PCBP3: variants seen among roughly 807,000 people sequenced by gnomAD.
The protein encoded by PCBP3 is poly(rC) binding protein 3.
Under a neutral mutation model 52.7 loss-of-function variants are expected in PCBP3, and 25 were observed. That is an observed-to-expected ratio of 0.47 (90% CI 0.35 to 0.66). The LOEUF (loss-of-function observed/expected upper bound fraction) is 0.66. Among genes scored for constraint, PCBP3 ranks in the 30% least tolerant of loss-of-function variants. The pLI is 0.01. For synonymous variants in PCBP3, 162 were observed against 183.0 expected (o/e 0.89, Z 0.93); for missense variants, 391 against 490.3 (o/e 0.80, Z 1.91).
chr21:45,809,665 C>T (rs962677877), intron 4 of PCBP3, among the ~76,000 whole-genome samples: 1 of 152,244 alleles, frequency 6.6e-6, no homozygotes, highest in African/African-American at 2.4e-5. Flanking sequence ...CTGCTAAGTG[C>T]GGCAGATGCC....
intron 2 of PCBP3, among the ~76,000 whole-genome samples, chr21:45,715,760 G>T (rs1018416441): frequency 6.6e-6 from 1 of 152,136 alleles, no homozygotes; most frequent in Admixed American, 6.5e-5. Context: ...AGCTTTTCAT[G>T]TGCTTACTGG....
intron 4 of PCBP3, among the ~76,000 whole-genome samples, chr21:45,785,608 C>T (rs1225189872): frequency 1.3e-3 from 201 of 151,780 alleles, no homozygotes; most frequent in African/African-American, 4.6e-3. Context: ...CCCCTCTGCC[C>T]GGCCACCACC....
chr21:45,768,773 C>T (rs1056279798), intron 4 of PCBP3, among the ~76,000 whole-genome samples: 3 of 152,196 alleles, frequency 2.0e-5, no homozygotes, highest in African/African-American at 4.8e-5. Context: ...TTTCCCAGGG[C>T]GCCATCTGCA....
chr21:45,916,537 G>A (rs1274611222), intron 12 of PCBP3: 1 of 152,238 alleles, frequency 6.6e-6, no homozygotes, highest in Non-Finnish European at 1.5e-5. Context: ...ACTCTTGGCA[G>A]ATTCAAAACC....
At chr21:45,692,845 A>G (rs1203371506) in intron 2 of PCBP3, among the ~76,000 whole-genome samples, 2 of 152,182 alleles carry the variant, frequency 1.3e-5, no homozygotes, top group East Asian at 3.8e-4. Context: ...CTACTGACTA[A>G]TATTCCTCAT....
intron 6 of PCBP3, among the ~76,000 whole-genome samples, chr21:45,897,974 G>A (rs191274950): frequency 2.6e-5 from 4 of 152,236 alleles, no homozygotes; most frequent in East Asian, 3.9e-4. Flanking sequence ...GGAGGCTGCC[G>A]GAGGCTCTGA....
intron 4 of PCBP3, among the ~76,000 whole-genome samples, chr21:45,777,272 C>G (rs1203618191): frequency 6.6e-6 from 1 of 151,924 alleles, no homozygotes; most frequent in Non-Finnish European, 1.5e-5. Context: ...AGGTTTCTGC[C>G]CAGAAATTTG....
intron 4 of PCBP3, among the ~76,000 whole-genome samples, chr21:45,826,885 A>C (rs1010274916): frequency 3.9e-5 from 6 of 152,128 alleles, no homozygotes; most frequent in African/African-American, 1.4e-4. Flanking sequence ...ACCTCCCCAA[A>C]ACTGTGGCCA....
rs1039121016 is a variant in PCBP3, at chr21:45,821,088, C to G, written c.-125-28873C>G. On this transcript the variant is annotated intron_variant, in intron 4 of 17. Coordinates refer to ENST00000681687, the MANE Select transcript of PCBP3 (RefSeq NM_001384156.1). This position sits in a 1 kb window ranked among gnomAD's most constrained non-coding sequence, Gnocchi z 4.4. Reference sequence around the variant, plus strand: ...AGCGAGCCTGGCGTTGTGACCTGGGCTAACTTGGTACCTTTTCTCTTTTTA... The same window carrying G: ...AGCGAGCCTGGCGTTGTGACCTGGGGTAACTTGGTACCTTTTCTCTTTTTA... Among the ~76,000 whole-genome samples, 1 of 152,208 alleles carries G rather than the reference C, an allele frequency of 6.6e-6. No individual in the cohort carries two copies. The highest frequency in any genetic ancestry group is 2.4e-5 in the African/African-American group (1 of 41,462).
chr21:45,735,288 T>C lies in PCBP3; in HGVS notation c.-199-104T>C, dbSNP rs2085780274. On this transcript the variant is annotated intron_variant, in intron 2 of 17. Transcript: ENST00000681687. This position sits in a 1 kb window ranked among gnomAD's most constrained non-coding sequence, Gnocchi z 4.0. ...ATGTCTTTTTAATAGATGACTTTGG[T>C]TTGATAAAATTTGGTATCTAAGGTG... 2 of 152,216 alleles carry C rather than the reference T, an allele frequency of 1.3e-5. No individual in the cohort carries two copies. Among genetic ancestry groups the C allele is most frequent in the Admixed American group, 6.5e-5 (1 of 15,280 alleles). 9.4% of individuals were successfully genotyped at this position (152,216 alleles called of 1,614,324 possible).
rs1491201239 is a variant in PCBP3 at position 45,827,382 on chromosome 21, C to CA, written c.-125-22578dup. Among the ~76,000 whole-genome samples the CA allele has an allele frequency of 6.6e-6, 1 of 152,170 alleles. No homozygotes were observed. Among genetic ancestry groups the CA allele is most frequent in the Non-Finnish European group, 1.5e-5 (1 of 68,032 alleles). ...TGGCCAGGTTTCAACTGCAGGTCCTCACACACGCCAAGAACCAGGAAGACT... is the reference window on the plus strand; with the variant it reads ...TGGCCAGGTTTCAACTGCAGGTCCTCAACACACGCCAAGAACCAGGAAGACT... On this transcript the variant is annotated intron_variant, in intron 4 of 17. Transcript: ENST00000681687. This position sits in a 1 kb window ranked among gnomAD's most constrained non-coding sequence, Gnocchi z 4.3.
At chr21:45,872,262 A>G (rs921919477) in intron 5 of PCBP3, 6 of 152,238 alleles carry the variant, frequency 3.9e-5, no homozygotes, top group African/African-American at 1.4e-4. Flanking sequence ...TTCTCAAGTA[A>G]TCGGAGGCTC....
Position 45,741,233 on chromosome 21 carries a change from C to T in PCBP3, c.-162+5804C>T, listed in dbSNP as rs528037811. Among the ~76,000 whole-genome samples the T allele has an allele frequency of 4.6e-5, 7 of 152,242 alleles. No homozygotes were observed. In the South Asian group the frequency reaches 1.5e-3, roughly 32 times the overall value. On this transcript the variant is annotated intron_variant, in intron 3 of 17. Transcript: ENST00000681687. This position sits in a 1 kb window ranked among gnomAD's most constrained non-coding sequence, Gnocchi z 4.5. ...ATGAGTGGGTCTGCAGTGGTCGGCCCCATGGCTAGGAGTTTGGAAAGAAAT... is the reference window on the plus strand; with the variant it reads ...ATGAGTGGGTCTGCAGTGGTCGGCCTCATGGCTAGGAGTTTGGAAAGAAAT...
chr21:45,913,872 G>A, intron 11 of PCBP3, 79 bp from the exon 12 acceptor site: 1 of 1,337,164 alleles, frequency 7.5e-7, no homozygotes, highest in Non-Finnish European at 1.0e-6. Flanking sequence ...TGAGTGGGGT[G>A]GGCCGGGGCA....
intron 4 of PCBP3, among the ~76,000 whole-genome samples, chr21:45,842,576 G>A (rs925650078): frequency 1.3e-5 from 2 of 152,112 alleles, no homozygotes; most frequent in African/African-American, 4.8e-5. Flanking sequence ...CTTTCATGTT[G>A]AGGTATGCCT....
At chr21:45,653,160 C>G (rs1415974136) in intron 1 of PCBP3, among the ~76,000 whole-genome samples, 2 of 152,130 alleles carry the variant, frequency 1.3e-5, no homozygotes, top group African/African-American at 2.4e-5. Flanking sequence ...TGCCTTGTAG[C>G]CCAGAATATG....
intron 2 of PCBP3, among the ~76,000 whole-genome samples, chr21:45,684,086 G>A (rs1053298538): frequency 6.6e-6 from 1 of 151,344 alleles, no homozygotes; most frequent in African/African-American, 2.4e-5. Context: ...AAAATTGCCG[G>A]GTGTGGTGGC....
At chr21:45,820,117 T>C (rs976384241) in intron 4 of PCBP3, among the ~76,000 whole-genome samples, 8 of 152,232 alleles carry the variant, frequency 5.3e-5, no homozygotes, top group Admixed American at 5.2e-4. Flanking sequence ...AGCTCAGACC[T>C]CATCTCCTCT....
Position 45,929,945 on chromosome 21 carries a change from T to C in PCBP3, c.746T>C (p.Met249Thr), listed in dbSNP as rs1275974601. 2.5e-6 allele frequency: 4 copies of C among 1,613,804 alleles called. No individual in the cohort carries two copies. The highest frequency in any genetic ancestry group is 3.4e-6 in the Non-Finnish European group (4 of 1,179,898). Reference protein sequence around the residue: ...DQLTKLHQLAMQQTPFPPLGQ... With the variant: ...DQLTKLHQLATQQTPFPPLGQ... ...TTGACCAAGCTCCACCAGTTGGCCA[T>C]GCAGCAAACCCCCTTTCCTCCCCTC... is the stretch of plus-strand genomic sequence containing the variant. Residue 249 changes from methionine to threonine, a missense_variant, in exon 14 of 18, where the codon ATG (methionine) becomes ACG (threonine). Physicochemically the swap from Met to Thr is moderately conservative, Grantham distance 81. Transcript: ENST00000681687.
Sources: gnomAD v4.1 joint callset for allele counts (sites outside exome capture counted in the v4.1 genomes callset) on GRCh38, gnomAD v4.1.1 for gene constraint, Gnocchi (gnomAD v3.1) non-coding constraint, MANE v1.5 for transcripts, NCBI Gene and HGNC (gene_info 2026-07-23, HGNC 2026-07-21) for gene names.